SYNPO2: variants seen among roughly 807,000 people sequenced by gnomAD.
SYNPO2 encodes synaptopodin-2.
In SYNPO2, 56 loss-of-function variants were observed where a neutral mutation model predicts 85.0. The ratio of observed to expected loss-of-function variants is 0.66; its 90% CI spans 0.53 to 0.82. SYNPO2 has a LOEUF of 0.82. Among genes scored for constraint, SYNPO2 ranks in the 40% least tolerant of loss-of-function variants. The pLI is 0.00. For missense variants in SYNPO2, 1,575 were observed against 1,534.2 expected, an observed-to-expected ratio of 1.03 and a Z score of -0.44; for synonymous variants, 602 against 591.1, an observed-to-expected ratio of 1.02 and a Z score of -0.27.
intron 1 of SYNPO2, among the ~76,000 whole-genome samples, chr4:118,894,424 G>T (rs1056843020): frequency 2.6e-5 from 4 of 152,146 alleles, no homozygotes; most frequent in Admixed American, 1.3e-4. Context: ...TTACTGTAAA[G>T]ATCAGGGGAA....
At position 119,031,742 on chromosome 4, in the gene SYNPO2, C is replaced by A. The variant is rs145945905; in HGVS notation, c.2967C>A (p.Pro989=). ...FQPPDAKDGL[P]QKSSVKVNSA... ...CTCCAGATGCAAAGGATGGCCTCCC[C>A]CAGAAGTCATCAGTCAAGGTCAATT... The change falls in exon 4 of 5, where the codon CCC becomes CCA. Residue 989 remains proline, a synonymous_variant. Coordinates refer to ENST00000307142, the MANE Select transcript of SYNPO2 (RefSeq NM_133477.3). 1 of 1,614,218 alleles carries A rather than the reference C, an allele frequency of 6.2e-7. No homozygotes were observed. Among genetic ancestry groups the A allele is most frequent in the South Asian group, 1.1e-5 (1 of 91,084 alleles).
intron 1 of SYNPO2, among the ~76,000 whole-genome samples, chr4:118,905,572 T>A (rs1578536960): frequency 1.3e-5 from 2 of 152,170 alleles, no homozygotes; most frequent in East Asian, 3.8e-4. Flanking sequence ...TTATAGACAT[T>A]GTGTGATTTT....
chr4:118,968,681 A>T (rs1479396640), intron 1 of SYNPO2, among the ~76,000 whole-genome samples: 3 of 152,148 alleles, frequency 2.0e-5, no homozygotes, highest in Non-Finnish European at 2.9e-5. Flanking sequence ...CTGGTGGAGG[A>T]GTGATGGGTC....
chr4:118,985,982 T>A (rs1420149212), intron 1 of SYNPO2, among the ~76,000 whole-genome samples: 1 of 152,206 alleles, frequency 6.6e-6, no homozygotes, highest in Non-Finnish European at 1.5e-5. Context: ...ATGTTGTACC[T>A]CTCACTCTGT....
chr4:119,006,158 G>C (rs1737024109), intron 1 of SYNPO2: 1 of 153,100 alleles, frequency 6.5e-6, no homozygotes, highest in South Asian at 2.1e-4. Flanking sequence ...ATGAAGGTGT[G>C]AAAGTTGGTG....
intron 1 of SYNPO2, among the ~76,000 whole-genome samples, chr4:118,917,944 A>G (rs1733407820): frequency 6.6e-6 from 1 of 152,216 alleles, no homozygotes; most frequent in African/African-American, 2.4e-5. Flanking sequence ...CTAAATTTTT[A>G]CATTCTGTCA....
At position 118,911,641 on chromosome 4, in the gene SYNPO2, G is replaced by C. The variant is rs79599828; in HGVS notation, c.105+22500G>C. Among the ~76,000 whole-genome samples, 138 of 152,272 alleles carry C rather than the reference G, an allele frequency of 9.1e-4. 4 individuals are homozygous for C. In the East Asian group the frequency reaches 0.026, roughly 29 times the overall value. ...TAGTTTGCATGAAGTCTCTGTGTAA[G>C]AGTCAAAGGAAAACTATGCATGAAA... is the stretch of plus-strand genomic sequence containing the variant. On this transcript the variant is annotated intron_variant, in intron 1 of 4. Coordinates refer to ENST00000307142, the MANE Select transcript of SYNPO2 (RefSeq NM_133477.3).
At chr4:118,854,791 A>T (rs76414584) in intron 1 of SYNPO2, among the ~76,000 whole-genome samples, 1 of 152,326 alleles carries the variant, frequency 6.6e-6, no homozygotes, top group East Asian at 1.9e-4. Context: ...GTCAAATTTT[A>T]TAAATACTTT....
rs758165192 is a variant in SYNPO2 at position 119,026,667 on chromosome 4, G to C, written c.298G>C (p.Glu100Gln). 8.1e-6 allele frequency: 13 copies of C among 1,612,026 alleles called. No homozygotes were observed. In the African/African-American group the frequency reaches 1.6e-4, roughly 20 times the overall value. Residue 100 changes from glutamate to glutamine, a missense_variant, in exon 3 of 5, where the codon GAA (glutamate) becomes CAA (glutamine). By Grantham distance (29) the Glu-to-Gln change is conservative. Around this residue, in one of 3 missense-constraint regions of SYNPO2, gnomAD observed 1,508 missense variants for 1,446.8 expected, o/e 1.04. Transcript: ENST00000307142. Reference protein sequence around the residue: ...GISEALISENENKNLEHLTHG... With the variant: ...GISEALISENQNKNLEHLTHG... The stretch of plus-strand genomic sequence containing the variant: ...AAGTGAGGCTTTGATATCTGAAAAT[G>C]AAAACAAAAACCTCGAGCATCTCAC...
chr4:118,997,861 A>T (rs946735775), intron 1 of SYNPO2, among the ~76,000 whole-genome samples: 1 of 152,210 alleles, frequency 6.6e-6, no homozygotes, highest in Non-Finnish European at 1.5e-5. Context: ...TGCTCAGTCC[A>T]CTTATGAGGC....
At chr4:118,989,682 G>A (rs1348632225) in intron 1 of SYNPO2, among the ~76,000 whole-genome samples, 13 of 152,340 alleles carry the variant, frequency 8.5e-5, no homozygotes, top group Admixed American at 8.5e-4. Flanking sequence ...CATCATGATA[G>A]AAATATCCTG....
intron 1 of SYNPO2, among the ~76,000 whole-genome samples, chr4:118,978,421 C>T (rs1735873669): frequency 6.6e-6 from 1 of 152,250 alleles, no homozygotes; most frequent in African/African-American, 2.4e-5. Context: ...TGCAGTAAAA[C>T]ACAAAAGAGT....
chr4:118,943,183 A>G (rs1294064122), intron 1 of SYNPO2, among the ~76,000 whole-genome samples: 1 of 152,148 alleles, frequency 6.6e-6, no homozygotes, highest in Non-Finnish European at 1.5e-5. Context: ...AAGTTTACCT[A>G]AAAAGACCTC....
intron 1 of SYNPO2, among the ~76,000 whole-genome samples, chr4:118,953,438 A>T (rs1036597644): frequency 1.3e-5 from 2 of 152,122 alleles, no homozygotes; most frequent in Non-Finnish European, 2.9e-5. Context: ...CCCATTGCCC[A>T]GTGCGGGGGA....
chr4:118,917,937 A>C (rs1733407394), intron 1 of SYNPO2, among the ~76,000 whole-genome samples: 1 of 152,186 alleles, frequency 6.6e-6, no homozygotes, highest in East Asian at 1.9e-4. Flanking sequence ...CTATATACTA[A>C]ATTTTTACAT....
intron 1 of SYNPO2, among the ~76,000 whole-genome samples, chr4:118,876,974 T>C (rs1731937838): frequency 6.6e-6 from 1 of 151,544 alleles, no homozygotes; most frequent in Admixed American, 6.6e-5. Context: ...TAATTAAATT[T>C]TTTTTTTTTC....
chr4:118,875,787 G>A (rs1222355242), intron 1 of SYNPO2, among the ~76,000 whole-genome samples: 2 of 152,182 alleles, frequency 1.3e-5, no homozygotes, highest in African/African-American at 4.8e-5. Flanking sequence ...TGTTGGTGTT[G>A]TGGTAAACCT....
chr4:119,017,703 T>C (rs1737575640), intron 1 of SYNPO2, among the ~76,000 whole-genome samples: 1 of 152,204 alleles, frequency 6.6e-6, no homozygotes, highest in Non-Finnish European at 1.5e-5. Flanking sequence ...CTCTTTTTCA[T>C]TGATTTCAAT....
intron 1 of SYNPO2, among the ~76,000 whole-genome samples, chr4:118,913,935 G>A (rs768515321): frequency 1.1e-4 from 16 of 152,250 alleles, no homozygotes; most frequent in African/African-American, 3.4e-4. Flanking sequence ...ATGACTGATG[G>A]CAATGTGGAA....
Sources: gnomAD v4.1 joint callset for allele counts (sites outside exome capture counted in the v4.1 genomes callset) on GRCh38, gnomAD v4.1.1 for gene constraint, gnomAD v4.1.1 regional missense constraint, MANE v1.5 for transcripts, NCBI Gene and HGNC (gene_info 2026-07-23, HGNC 2026-07-21) for gene names.